The following DOCK4 variants were observed in gnomAD, a reference collection of about 807,000 sequenced individuals.
DOCK4 encodes the protein dedicator of cytokinesis protein 4.
In DOCK4, 97 loss-of-function variants were observed where a neutral mutation model predicts 268.1. The observed-to-expected ratio is 0.36, with a 90% CI of 0.31 to 0.43. DOCK4 has a LOEUF of 0.43. Ranked by LOEUF, DOCK4 falls within the 20% of genes least tolerant of loss-of-function variation. DOCK4 has a pLI of 1.00. For missense variants in DOCK4, 2,145 were observed against 2,455.7 expected, an observed-to-expected ratio of 0.87 and a Z score of 2.67; for synonymous variants, 954 against 887.2, an observed-to-expected ratio of 1.08 and a Z score of -1.34.
At chr7:111,746,663 T>C (rs979482187) in intron 43 of DOCK4, among the ~76,000 whole-genome samples, 2 of 152,318 alleles carry the variant, frequency 1.3e-5, no homozygotes, top group African/African-American at 4.8e-5. Context: ...CCCAAATCAG[T>C]AAGCTATATG....
chr7:112,061,825 G>A (rs184439107), intron 1 of DOCK4, among the ~76,000 whole-genome samples: 2 of 151,274 alleles, frequency 1.3e-5, no homozygotes, highest in African/African-American at 4.9e-5. Context: ...TTCCTTTGCT[G>A]GAGGAATTCC....
chr7:111,750,377 C>G (rs1233356916), intron 42 of DOCK4, among the ~76,000 whole-genome samples: 1 of 152,178 alleles, frequency 6.6e-6, no homozygotes, highest in Non-Finnish European at 1.5e-5. Flanking sequence ...AGTCCCCAGT[C>G]AAAGGATTTC....
At chr7:111,883,650 G>C (rs1807604496) in intron 16 of DOCK4, among the ~76,000 whole-genome samples, 2 of 152,238 alleles carry the variant, frequency 1.3e-5, no homozygotes, top group South Asian at 4.2e-4. Context: ...AGGGTGTGAT[G>C]GCTGTGCTGT....
chr7:112,116,543 A>T (rs1812193005), intron 1 of DOCK4, among the ~76,000 whole-genome samples: 2 of 152,202 alleles, frequency 1.3e-5, no homozygotes, highest in South Asian at 4.1e-4. Flanking sequence ...AAGTGGGGAA[A>T]CCAGAAGAGA....
intron 1 of DOCK4, among the ~76,000 whole-genome samples, chr7:112,165,579 A>T (rs1817546382): frequency 6.8e-6 from 1 of 147,448 alleles, no homozygotes; most frequent in Admixed American, 6.9e-5. Context: ...TGTGTATCCC[A>T]TTTCTTTGGA....
intron 1 of DOCK4, among the ~76,000 whole-genome samples, chr7:112,005,607 T>G (rs867688924): frequency 6.6e-6 from 1 of 152,232 alleles, no homozygotes; most frequent in Non-Finnish European, 1.5e-5. Context: ...TTACAAGGGA[T>G]CAGCAACTGA....
chr7:112,011,250 C>T (rs769771453), intron 1 of DOCK4, among the ~76,000 whole-genome samples: 2 of 152,214 alleles, frequency 1.3e-5, no homozygotes, highest in African/African-American at 4.8e-5. Context: ...CTTCCTTCCT[C>T]GTCACTGCAC....
chr7:112,144,450 T>G (rs951149800), intron 1 of DOCK4, among the ~76,000 whole-genome samples: 1 of 152,132 alleles, frequency 6.6e-6, no homozygotes, highest in Admixed American at 6.6e-5. Flanking sequence ...TTTAGCACCA[T>G]ATGGCTGAGT....
rs1799748654 is a variant in DOCK4, at chr7:111,994,240, T to TG, written c.219-10_219-9insC. 6.5e-7 allele frequency: 1 copy of TG among 1,546,674 alleles called. No individual in the cohort carries two copies. The highest frequency in any genetic ancestry group is 1.4e-5 in the African/African-American group (1 of 72,558). On this transcript the variant is annotated splice_polypyrimidine_tract_variant and intron_variant, in intron 4 of 52. Transcript: ENST00000428084. The stretch of plus-strand genomic sequence containing the variant: ...TAACCATTTCAAATTGTCTGTGAAA[T>TG]TAAAAAAGAAAAAGTATATATGTAA...
At chr7:112,063,001 G>A (rs1484421316) in intron 1 of DOCK4, among the ~76,000 whole-genome samples, 1 of 152,002 alleles carries the variant, frequency 6.6e-6, no homozygotes, top group Admixed American at 6.6e-5. Context: ...TACATCATGT[G>A]AATACTCAGT....
chr7:111,785,933 T>C (rs1321454813), intron 32 of DOCK4, among the ~76,000 whole-genome samples: 1 of 152,154 alleles, frequency 6.6e-6, no homozygotes, highest in East Asian at 1.9e-4. Flanking sequence ...TTTCACTCTA[T>C]GAAAGAAATC....
At chr7:112,094,766 T>C (rs927439120) in intron 1 of DOCK4, among the ~76,000 whole-genome samples, 1 of 152,148 alleles carries the variant, frequency 6.6e-6, no homozygotes, top group African/African-American at 2.4e-5. Context: ...GGTAGTTGTA[T>C]GGGTCATGGG....
At position 111,735,129 on chromosome 7, in the gene DOCK4, C is replaced by G; in HGVS notation, c.5344G>C (p.Gly1782Arg). 6.3e-7 allele frequency: 1 copy of G among 1,598,902 alleles called. No homozygotes were observed. The highest frequency in any genetic ancestry group is 8.5e-7 in the Non-Finnish European group (1 of 1,172,504). The change falls in exon 51 of 53, where the codon GGG becomes CGG. Residue 1782 changes from glycine to arginine, a missense_variant. By Grantham distance (125) the Gly-to-Arg change is moderately radical. Coordinates refer to ENST00000428084, the MANE Select transcript of DOCK4 (RefSeq NM_001363540.2). ...PTPSSWSLDS[G>R]KEAKNMSDSG... Reference sequence around the variant, plus strand: ...TCCGACATGTTCTTGGCTTCCTTCCCACTGTCCAGGCTCCAGCTGCTAGGG... The same window carrying G: ...TCCGACATGTTCTTGGCTTCCTTCCGACTGTCCAGGCTCCAGCTGCTAGGG...
In DOCK4 at chr7:112,160,553, G is replaced by T. The variant is rs1357851587; in HGVS notation, c.37+45549C>A. ...ATCAAGCTGGCCCAATCTCTGGAAA[G>T]TATCTTAATCTATTTAGTAAATCAG... is the stretch of plus-strand genomic sequence containing the variant. On this transcript the variant is annotated intron_variant, in intron 1 of 52. Transcript: ENST00000428084. Among the ~76,000 whole-genome samples the T allele has an allele frequency of 3.3e-5, 5 of 152,170 alleles. No homozygotes were observed. The South Asian group carries it at 1.0e-3, about 32-fold the overall frequency.
intron 1 of DOCK4, among the ~76,000 whole-genome samples, chr7:112,103,779 G>A (rs1250881673): frequency 6.6e-6 from 1 of 152,114 alleles, no homozygotes; most frequent in Admixed American, 6.5e-5. Flanking sequence ...CTACTTGGGA[G>A]GCTGAGGCAC....
At chr7:112,047,733 C>T (rs979308699) in intron 1 of DOCK4, among the ~76,000 whole-genome samples, 5 of 152,234 alleles carry the variant, frequency 3.3e-5, no homozygotes, top group South Asian at 2.1e-4. Flanking sequence ...CGCTCAGTTG[C>T]CCAGGCTGGA....
intron 30 of DOCK4, among the ~76,000 whole-genome samples, chr7:111,805,445 G>A (rs1383787361): frequency 6.6e-6 from 1 of 152,180 alleles, no homozygotes; most frequent in Non-Finnish European, 1.5e-5. Context: ...AAGTTGTTAT[G>A]TAATTTTAGA....
chr7:112,007,069 T>G lies in DOCK4; in HGVS notation c.38-2938A>C, dbSNP rs1232342580. ...TTAATTTAAGGCTTTGCTCCAAGGTTAGGACATTAGAAGATTTCCTGATGT... is the reference window on the plus strand; with the variant it reads ...TTAATTTAAGGCTTTGCTCCAAGGTGAGGACATTAGAAGATTTCCTGATGT... On this transcript the variant is annotated intron_variant, in intron 1 of 52. Coordinates refer to ENST00000428084, the MANE Select transcript of DOCK4 (RefSeq NM_001363540.2). Among the ~76,000 whole-genome samples the G allele has an allele frequency of 2.0e-5, 3 of 152,228 alleles. No homozygotes were observed. The East Asian group carries it at 5.8e-4, about 29-fold the overall frequency.
chr7:111,941,975 G>A (rs181434436), intron 10 of DOCK4, among the ~76,000 whole-genome samples: 27 of 152,256 alleles, frequency 1.8e-4, no homozygotes, highest in South Asian at 6.2e-4. Flanking sequence ...GTTAAGCCAC[G>A]GCTTTAGACA....
Sources: allele counts gnomAD v4.1 joint callset (sites outside exome capture counted in the v4.1 genomes callset), GRCh38; gene constraint gnomAD v4.1.1; transcripts MANE v1.5; gene names NCBI Gene and HGNC (gene_info 2026-07-23, HGNC 2026-07-21).